ITPR2: variants seen among roughly 807,000 people sequenced by gnomAD.
The protein encoded by ITPR2 is inositol 1,4,5-trisphosphate receptor type 2.
Under a neutral mutation model 317.1 loss-of-function variants are expected in ITPR2, and 207 were observed. The observed-to-expected ratio is 0.65, with a 90% CI of 0.58 to 0.73. The LOEUF is 0.73. Ranked by LOEUF, ITPR2 falls within the 30% of genes least tolerant of loss-of-function variation. The pLI is 0.00. For missense variants in ITPR2, 2,613 were observed against 3,284.0 expected (o/e 0.80, Z 4.99); for synonymous variants, 1,156 against 1,149.1 (o/e 1.01, Z -0.12).
intron 20 of ITPR2, 91 bp downstream of exon 20, chr12:26,655,613 CAAAA>C (rs56325248): frequency 6.6e-3 from 4,138 of 631,746 alleles, no homozygotes; most frequent in South Asian, 7.2e-3. Context: ...GACTCTGTCT[CAAAA>C]AAAAAAAAAA....
chr12:26,636,339 T>C (rs7133594), intron 21 of ITPR2, among the ~76,000 whole-genome samples: 127,109 of 152,122 alleles, frequency 0.84, 53,380 homozygotes, highest in East Asian at 0.97. Context: ...TATTTGTCTG[T>C]GTGTTTATTG....
rs372720314 is a variant in ITPR2 at position 26,587,793 on chromosome 12, T to C, written c.4381-7638A>G. Among the ~76,000 whole-genome samples the C allele has an allele frequency of 6.2e-5, 9 of 145,078 alleles. No individual in the cohort carries two copies. In the South Asian group the frequency reaches 8.6e-4, roughly 14 times the overall value. Reference sequence around the variant, plus strand: ...TCCTTCAATCATGATGGCTGCTAGATAAAGAATAGATGGAGAGAGGGACAA... The same window carrying C: ...TCCTTCAATCATGATGGCTGCTAGACAAAGAATAGATGGAGAGAGGGACAA... On this transcript the variant is annotated intron_variant, in intron 32 of 56. Coordinates refer to ENST00000381340, the MANE Select transcript of ITPR2 (RefSeq NM_002223.4).
chr12:26,682,627 T>C lies in ITPR2; in HGVS notation c.1195A>G (p.Thr399Ala). The part of the protein sequence containing the change: ...LRHLCTNTWV[T>A]STSIPIDTDE... ...GTGTCTATGGGGATACTAGTACTGG[T>C]TACCCATGTGTTGGTGCATAAATGC... Residue 399 changes from threonine (T) to alanine (A), a missense_variant, in exon 12 of 57, where the codon ACC becomes GCC. Physicochemically the swap from Thr to Ala is moderately conservative, Grantham distance 58. Coordinates refer to ENST00000381340, the MANE Select transcript of ITPR2 (RefSeq NM_002223.4). The C allele has an allele frequency of 6.2e-7, 1 of 1,613,276 alleles. No individual in the cohort carries two copies.
At chr12:26,580,322 A>T (rs181203546) in intron 32 of ITPR2, among the ~76,000 whole-genome samples, 167 bp from the exon 33 acceptor site, 1 of 152,292 alleles carries the variant, frequency 6.6e-6, no homozygotes, top group Admixed American at 6.5e-5. Context: ...TGATAATTGT[A>T]TCAATCTTCA....
intron 55 of ITPR2, among the ~76,000 whole-genome samples, chr12:26,359,943 C>G (rs1056090173): frequency 2.6e-5 from 4 of 152,296 alleles, no homozygotes; most frequent in African/African-American, 9.6e-5. Context: ...ATACCACTTT[C>G]GCCTCTACGT....
At chr12:26,543,368 T>C (rs2136987939) in intron 37 of ITPR2, among the ~76,000 whole-genome samples, 1 of 151,808 alleles carries the variant, frequency 6.6e-6, no homozygotes, top group South Asian at 2.1e-4. Context: ...TGTGTGTTTG[T>C]GTGTGTGTGT....
intron 45 of ITPR2, among the ~76,000 whole-genome samples, chr12:26,465,678 C>T (rs1272775179): frequency 1.3e-5 from 2 of 152,070 alleles, no homozygotes; most frequent in Non-Finnish European, 2.9e-5. Context: ...CCTAAGATCC[C>T]AGAGCACCTC....
At chr12:26,580,244 T>C in intron 32 of ITPR2, 89 bp from the exon 33 acceptor site, 1 of 1,130,278 alleles carries the variant, frequency 8.8e-7, no homozygotes, top group African/African-American at 1.6e-5. Context: ...TGTCCTGAAA[T>C]AGTTGTCAGT....
At chr12:26,754,587 T>C (rs1194736461) in intron 2 of ITPR2, among the ~76,000 whole-genome samples, 2 of 152,194 alleles carry the variant, frequency 1.3e-5, no homozygotes, top group East Asian at 1.9e-4. Context: ...TAAGAAGCCA[T>C]GGGAATGTGG....
Position 26,597,001 on chromosome 12 carries a change from A to G in ITPR2, c.4136T>C (p.Val1379Ala). The G allele has an allele frequency of 6.2e-7, 1 of 1,613,862 alleles. No individual in the cohort carries two copies. ...SGPLAYHITL[V>A]ELLAACTEGK... is the part of the protein sequence containing the mutation. ...CTCTGTGCATGCTGCCAGCAACTCCACCAGGGTGATGTGGTAGGCTAAGGG... is the reference window on the plus strand; with the variant it reads ...CTCTGTGCATGCTGCCAGCAACTCCGCCAGGGTGATGTGGTAGGCTAAGGG... Residue 1379 changes from valine to alanine, a missense_variant, in exon 31 of 57, where the codon GTG becomes GCG. Val to Ala is a moderately conservative substitution (Grantham distance 64). Coordinates refer to ENST00000381340, the MANE Select transcript of ITPR2 (RefSeq NM_002223.4).
At chr12:26,556,501 A>T (rs1944663976) in intron 35 of ITPR2, 126 bp from the exon 36 acceptor site, 1 of 860,930 alleles carries the variant, frequency 1.2e-6, no homozygotes, top group Non-Finnish European at 1.7e-6. Flanking sequence ...ATAGCAGCAA[A>T]TGTCTGTGCC....
At chr12:26,813,371 C>T (rs1243836104) in intron 1 of ITPR2, among the ~76,000 whole-genome samples, 1 of 152,166 alleles carries the variant, frequency 6.6e-6, no homozygotes. Context: ...TATTCATAGA[C>T]ACAAGATAAG....
intron 37 of ITPR2, among the ~76,000 whole-genome samples, chr12:26,532,170 G>A (rs553860390): frequency 5.9e-5 from 9 of 152,192 alleles, no homozygotes; most frequent in African/African-American, 2.2e-4. Context: ...AGTCATTGAG[G>A]CTTGGCTATA....
At chr12:26,541,145 T>A (rs1364709080) in intron 37 of ITPR2, among the ~76,000 whole-genome samples, 1 of 28,250 alleles carries the variant, frequency 3.5e-5, no homozygotes. Flanking sequence ...CCATCTCTGC[T>A]TAAAAAAAAA....
chr12:26,665,136 T>A (rs1195182249), intron 14 of ITPR2, among the ~76,000 whole-genome samples: 2 of 152,234 alleles, frequency 1.3e-5, no homozygotes, highest in East Asian at 3.8e-4. Flanking sequence ...CAAGAAGATG[T>A]AATACAGGAG....
chr12:26,686,823 C>T (rs1948136405), intron 10 of ITPR2, among the ~76,000 whole-genome samples, 191 bp from the exon 11 acceptor site: 1 of 152,156 alleles, frequency 6.6e-6, no homozygotes, highest in East Asian at 1.9e-4. Flanking sequence ...AATGATGAGT[C>T]CCACACTCCT....
rs200056228 is a variant in ITPR2 at position 26,653,966 on chromosome 12, A to G, written c.2740+10T>C. 927 of 1,603,846 alleles carry G rather than the reference A, an allele frequency of 5.8e-4. 6 individuals are homozygous for G. The highest frequency in any genetic ancestry group is 3.0e-3 in the Middle Eastern group (16 of 5,386). The stretch of plus-strand genomic sequence containing the variant: ...AACAATGATATTATCACATTTCCCA[A>G]AATTCTTACCTCCATCTTGAAATTT... On this transcript the variant is annotated intron_variant, in intron 21 of 56. Coordinates refer to ENST00000381340, the MANE Select transcript of ITPR2 (RefSeq NM_002223.4).
At chr12:26,772,478 A>ATAATATATATAATGCATGTATT (rs58056683) in intron 2 of ITPR2, among the ~76,000 whole-genome samples, 1 of 80,640 alleles carries the variant, frequency 1.2e-5, no homozygotes, top group Non-Finnish European at 3.3e-5. Context: ...TATTATATAT[A>ATAATATATATAATGCATGTATT]ATATATATAA....
chr12:26,436,058 G>A (rs921556747), intron 48 of ITPR2, among the ~76,000 whole-genome samples, 163 bp downstream of exon 48: 1 of 152,140 alleles, frequency 6.6e-6, no homozygotes, highest in African/African-American at 2.4e-5. Context: ...TAACAGTTCT[G>A]TTGACCACAC....
Sources: allele counts gnomAD v4.1 joint callset (sites outside exome capture counted in the v4.1 genomes callset), GRCh38; gene constraint gnomAD v4.1.1; transcripts MANE v1.5; gene names NCBI Gene and HGNC (gene_info 2026-07-23, HGNC 2026-07-21).